Variants in NEK1 observed in about 807,000 individuals in gnomAD.
The protein encoded by NEK1 is NIMA related kinase 1.
NEK1 carries 137 observed loss-of-function variants against 182.1 expected under a neutral mutation model. The observed-to-expected ratio is 0.75, with a 90% CI of 0.65 to 0.87. NEK1 has a LOEUF of 0.87. NEK1 is among the 40% of genes least tolerant of loss of function. NEK1 has a pLI of 0.00. For missense variants in NEK1, 1,391 were observed against 1,494.4 expected (o/e 0.93, Z 1.14); for synonymous variants, 513 against 492.2 (o/e 1.04, Z -0.56).
At chr4:169,453,740 A>T (rs1479465725) in intron 27 of NEK1, among the ~76,000 whole-genome samples, 1 of 152,220 alleles carries the variant, frequency 6.6e-6, no homozygotes, top group Non-Finnish European at 1.5e-5. Context: ...AGTTAATTTA[A>T]TATCTATAGA....
rs932264164 is a variant in NEK1, at chr4:169,508,119, G to T, written c.1833+129C>A. The T allele has an allele frequency of 3.6e-5, 28 of 770,494 alleles. No individual in the cohort carries two copies. In the South Asian group the frequency reaches 4.9e-4, roughly 13 times the overall value. 47.7% of individuals were successfully genotyped at this position (770,494 alleles called of 1,614,324 possible). ...AGATTTACTTTATGTGTAGTTTTTT[G>T]ATCTTTGAACTTCCACTGTCGTCAT... On this transcript the variant is annotated intron_variant, in intron 21 of 35. Coordinates refer to ENST00000507142, the MANE Select transcript of NEK1 (RefSeq NM_001199397.3).
chr4:169,431,469 C>T (rs576475458), intron 29 of NEK1, among the ~76,000 whole-genome samples: 40 of 151,804 alleles, frequency 2.6e-4, no homozygotes, highest in Non-Finnish European at 4.7e-4. Context: ...CATAACAATG[C>T]CAAAATATTT....
At chr4:169,420,035 T>C (rs943676332) in intron 31 of NEK1, among the ~76,000 whole-genome samples, 12 of 152,184 alleles carry the variant, frequency 7.9e-5, no homozygotes, top group Admixed American at 2.6e-4. Context: ...TTATAAACAT[T>C]GTATACATAG....
At chr4:169,502,826 C>T (rs1024014693) in intron 23 of NEK1, among the ~76,000 whole-genome samples, 5 of 152,072 alleles carry the variant, frequency 3.3e-5, no homozygotes, top group African/African-American at 1.2e-4. Context: ...TAGAACAAGA[C>T]AAGGATTCCA....
chr4:169,425,178 T>G (rs1341681085), intron 30 of NEK1, among the ~76,000 whole-genome samples: 2 of 147,938 alleles, frequency 1.4e-5, no homozygotes, highest in Non-Finnish European at 3.0e-5. Context: ...CCACAAAAAA[T>G]AAAATAAAAT....
intron 23 of NEK1, among the ~76,000 whole-genome samples, chr4:169,496,510 T>G (rs1751318988): frequency 6.6e-6 from 1 of 151,496 alleles, no homozygotes; most frequent in South Asian, 2.1e-4. Context: ...TTCCAGTTTT[T>G]GCCCATTCAG....
chr4:169,566,108 G>A (rs368356433), intron 12 of NEK1, among the ~76,000 whole-genome samples: 1 of 152,050 alleles, frequency 6.6e-6, no homozygotes, highest in East Asian at 1.9e-4. Context: ...CTCAAAATTT[G>A]TGAACTACAA....
chr4:169,565,073 GCT>G (rs1763469646), intron 12 of NEK1, among the ~76,000 whole-genome samples: 1 of 151,982 alleles, frequency 6.6e-6, no homozygotes, highest in Non-Finnish European at 1.5e-5. Flanking sequence ...TCTAATTTTG[GCT>G]AGTTATTTCA....
chr4:169,436,372 T>C (rs1417421140), intron 28 of NEK1, among the ~76,000 whole-genome samples: 1 of 152,082 alleles, frequency 6.6e-6, no homozygotes, highest in Non-Finnish European at 1.5e-5. Flanking sequence ...AATGACATTG[T>C]TGGTGAGAGA....
chr4:169,493,863 A>C (rs1489205989), intron 23 of NEK1, among the ~76,000 whole-genome samples: 2 of 152,258 alleles, frequency 1.3e-5, no homozygotes, highest in Admixed American at 1.3e-4. Context: ...ACTGGAAAAC[A>C]TATTTCAGGG....
chr4:169,472,812 G>A (rs1746256049), intron 26 of NEK1, among the ~76,000 whole-genome samples: 1 of 152,110 alleles, frequency 6.6e-6, no homozygotes, highest in Non-Finnish European at 1.5e-5. Context: ...ACATGACGGA[G>A]CATAAACATG....
intron 23 of NEK1, among the ~76,000 whole-genome samples, chr4:169,502,365 C>T (rs138613880): frequency 2.5e-3 from 380 of 152,034 alleles, no homozygotes; most frequent in African/African-American, 9.0e-3. Flanking sequence ...TGGAGAGATT[C>T]CTCCCTAACT....
At chr4:169,596,986 T>TAC (rs946999960) in intron 5 of NEK1, among the ~76,000 whole-genome samples, 4 of 151,698 alleles carry the variant, frequency 2.6e-5, no homozygotes, top group African/African-American at 4.8e-5. Context: ...CACACACACA[T>TAC]ACACACACAC....
intron 23 of NEK1, among the ~76,000 whole-genome samples, chr4:169,488,493 G>A (rs2149595425): frequency 6.6e-6 from 1 of 152,168 alleles, no homozygotes; most frequent in East Asian, 1.9e-4. Flanking sequence ...TAGGTATGTG[G>A]TTTATTTCTG....
intron 10 of NEK1, 144 bp downstream of exon 10, chr4:169,585,205 A>G (rs770524134): frequency 1.3e-4 from 80 of 592,872 alleles, no homozygotes; most frequent in Non-Finnish European, 2.2e-4. Flanking sequence ...AAGAAAGACC[A>G]TGGAAAGGAA....
chr4:169,482,851 G>A (rs1748327514), intron 23 of NEK1, among the ~76,000 whole-genome samples: 1 of 152,054 alleles, frequency 6.6e-6, no homozygotes, highest in African/African-American at 2.4e-5. Flanking sequence ...TAGCCAGGCT[G>A]GTCTCAAACT....
chr4:169,463,043 A>G lies in NEK1; in HGVS notation c.2587+200T>C, dbSNP rs1032544127. Among the ~76,000 whole-genome samples, 35 of 152,200 alleles carry G rather than the reference A, an allele frequency of 2.3e-4. No homozygotes were observed. The Middle Eastern group carries it at 0.01, about 44-fold the overall frequency. On this transcript the variant is annotated intron_variant, in intron 27 of 35. Coordinates refer to ENST00000507142, the MANE Select transcript of NEK1 (RefSeq NM_001199397.3). ...TTCATTTTCCTTTTAGATCCCATCCAGGTCTATCAGGTCAAAACTCAAGAC... is the reference window on the plus strand; with the variant it reads ...TTCATTTTCCTTTTAGATCCCATCCGGGTCTATCAGGTCAAAACTCAAGAC...
chr4:169,577,054 G>A lies in NEK1; in HGVS notation c.894C>T (p.Asn298=), dbSNP rs745526568. The part of the protein sequence containing the change: ...IPAKRPASGQ[N]SISVMPAQKI... ...TCTGAGCAGGCATAACAGAAATCGA[G>A]TTTTGTCCTGAAGCTGGTCTTTTAG... The change falls in exon 12 of 36, where the codon AAC becomes AAT. Residue 298 remains asparagine (N), a synonymous_variant. Transcript: ENST00000507142. 3.1e-6 allele frequency: 5 copies of A among 1,613,550 alleles called. No homozygotes were observed. Among genetic ancestry groups the A allele is most frequent in the African/African-American group, 1.3e-5 (1 of 74,918 alleles).
chr4:169,522,507 C>A (rs888975241), intron 19 of NEK1, among the ~76,000 whole-genome samples: 2 of 152,190 alleles, frequency 1.3e-5, no homozygotes, highest in Non-Finnish European at 2.9e-5. Context: ...GTTTAGCAAT[C>A]GGCTTCTAGC....
Sources: allele counts gnomAD v4.1 joint callset (sites outside exome capture counted in the v4.1 genomes callset), GRCh38; gene constraint gnomAD v4.1.1; transcripts MANE v1.5; gene names NCBI Gene and HGNC (gene_info 2026-07-23, HGNC 2026-07-21).